ADAMTSL1: variants seen among roughly 807,000 people sequenced by gnomAD.
ADAMTSL1 encodes ADAMTS like 1, also known as ADAMTS-like protein 1.
A neutral mutation model predicts 201.8 loss-of-function variants in ADAMTSL1; 126 were observed. That is an observed-to-expected ratio of 0.62 (90% CI 0.54 to 0.72). The LOEUF is 0.72. Ranked by LOEUF, ADAMTSL1 falls within the 30% of genes least tolerant of loss-of-function variation. The pLI, the probability that ADAMTSL1 is intolerant of heterozygous loss-of-function variation, is 0.00. For missense variants in ADAMTSL1, 2,679 were observed against 2,277.8 expected (o/e 1.18, Z -3.59); for synonymous variants, 1,121 against 903.4 (o/e 1.24, Z -4.32).
chr9:17,986,604 A>G (rs1386610950), intron 1 of ADAMTSL1, among the ~76,000 whole-genome samples: 1 of 152,118 alleles, frequency 6.6e-6, no homozygotes, highest in African/African-American at 2.4e-5. Flanking sequence ...TGAATTTTAA[A>G]AAGGATAGGC....
chr9:18,684,260 T>G (rs1161142358), intron 12 of ADAMTSL1, among the ~76,000 whole-genome samples: 1 of 152,174 alleles, frequency 6.6e-6, no homozygotes, highest in Non-Finnish European at 1.5e-5. Context: ...AAAGAGTTTG[T>G]TTTTGGCAAT....
At chr9:18,227,127 A>T (rs1026477629) in intron 2 of ADAMTSL1, among the ~76,000 whole-genome samples, 1 of 152,100 alleles carries the variant, frequency 6.6e-6, no homozygotes, top group South Asian at 2.1e-4. Context: ...TCCTAACAAA[A>T]CATTACCCAT....
At chr9:17,959,036 A>G (rs1817610701) in intron 1 of ADAMTSL1, among the ~76,000 whole-genome samples, 1 of 152,196 alleles carries the variant, frequency 6.6e-6, no homozygotes, top group East Asian at 1.9e-4. Flanking sequence ...GCCTGTGGGA[A>G]TAGTAATTTA....
intron 1 of ADAMTSL1, among the ~76,000 whole-genome samples, chr9:17,947,531 A>G (rs903982174): frequency 6.6e-6 from 1 of 152,150 alleles, no homozygotes; most frequent in Non-Finnish European, 1.5e-5. Context: ...AAACAAATAC[A>G]TTTATTTTCA....
At chr9:18,075,946 G>T (rs1422058581) in intron 1 of ADAMTSL1, among the ~76,000 whole-genome samples, 1 of 152,222 alleles carries the variant, frequency 6.6e-6, no homozygotes, top group Non-Finnish European at 1.5e-5. Flanking sequence ...AGGAAGTAGT[G>T]TAGTGTCAAC....
chr9:17,962,288 C>T (rs1407379461), intron 1 of ADAMTSL1, among the ~76,000 whole-genome samples: 3 of 152,166 alleles, frequency 2.0e-5, no homozygotes, highest in East Asian at 1.9e-4. Flanking sequence ...AGAAATGTAC[C>T]ACTGACTATG....
intron 1 of ADAMTSL1, among the ~76,000 whole-genome samples, chr9:17,935,353 G>A (rs1480349159): frequency 1.3e-5 from 2 of 152,026 alleles, no homozygotes; most frequent in African/African-American, 4.8e-5. Flanking sequence ...CTACTCCTTG[G>A]TGTAACTTAC....
chr9:18,680,194 C>A (rs1830377197), intron 10 of ADAMTSL1, 118 bp from the exon 11 acceptor site: 1 of 1,063,600 alleles, frequency 9.4e-7, no homozygotes, highest in Non-Finnish European at 1.3e-6. Flanking sequence ...GTTTTCTGGA[C>A]CTTAGCCTCT....
Position 18,800,906 on chromosome 9 carries a change from C to A in ADAMTSL1, c.3805+5382C>A, listed in dbSNP as rs73644670. 6.9e-3 allele frequency among the ~76,000 whole-genome samples: 1,043 copies of A among 152,192 alleles called. 13 individuals carry two copies. Among genetic ancestry groups the A allele is most frequent in the African/African-American group, 0.023 (974 of 41,512 alleles). On this transcript the variant is annotated intron_variant, in intron 20 of 28. Coordinates refer to ENST00000380548, the MANE Select transcript of ADAMTSL1 (RefSeq NM_001040272.6). ...CACTTCTGGCCTTATTCTACTTAGA[C>A]GCCATCAACATCAATTAAATAATTA... is the stretch of plus-strand genomic sequence containing the variant.
intron 1 of ADAMTSL1, among the ~76,000 whole-genome samples, chr9:18,103,280 A>G (rs1001693652): frequency 6.6e-6 from 1 of 152,104 alleles, no homozygotes; most frequent in Non-Finnish European, 1.5e-5. Context: ...AGGCCAGCTG[A>G]TGAGTTTAGG....
At chr9:18,000,759 G>A (rs1259130174) in intron 1 of ADAMTSL1, among the ~76,000 whole-genome samples, 1 of 152,050 alleles carries the variant, frequency 6.6e-6, no homozygotes, top group African/African-American at 2.4e-5. Context: ...CCATAAAATG[G>A]GTAGAAAAGA....
intron 1 of ADAMTSL1, among the ~76,000 whole-genome samples, chr9:17,975,361 C>A (rs1343221923): frequency 6.6e-6 from 1 of 151,958 alleles, no homozygotes; most frequent in Non-Finnish European, 1.5e-5. Context: ...GCTGAGAAGT[C>A]CAAGATCAGG....
chr9:18,035,893 C>T (rs1375694470), intron 1 of ADAMTSL1, among the ~76,000 whole-genome samples: 6 of 152,066 alleles, frequency 3.9e-5, no homozygotes, highest in Admixed American at 2.0e-4. Flanking sequence ...TTGTCATGCC[C>T]TATATATGCT....
At chr9:18,381,335 T>C (rs1400168197) in intron 2 of ADAMTSL1, among the ~76,000 whole-genome samples, 1 of 152,224 alleles carries the variant, frequency 6.6e-6, no homozygotes, top group Non-Finnish European at 1.5e-5. Context: ...GTCTACCATT[T>C]ATTGAATACC....
chr9:18,180,168 A>G (rs375751038), intron 2 of ADAMTSL1, among the ~76,000 whole-genome samples: 1 of 152,118 alleles, frequency 6.6e-6, no homozygotes, highest in Non-Finnish European at 1.5e-5. Flanking sequence ...TCAAAATAAA[A>G]GGATGGAGGA....
rs145612444 is a variant in ADAMTSL1 at position 18,221,997 on chromosome 9, A to G, written c.207+58016A>G. ...AAAGTACATTCATGTTTAGATTTGTATCTTCCCGAGTCTTAAAAGTTATAT... is the reference window on the plus strand; with the variant it reads ...AAAGTACATTCATGTTTAGATTTGTGTCTTCCCGAGTCTTAAAAGTTATAT... On this transcript the variant is annotated intron_variant, in intron 2 of 29. Coordinates refer to the ADAMTSL1 transcript ENST00000680146. 2.2e-4 allele frequency among the ~76,000 whole-genome samples: 33 copies of G among 152,162 alleles called. 1 individual carries two copies. The East Asian group carries it at 5.8e-3, about 27-fold the overall frequency.
chr9:17,938,700 G>A (rs1049427617), intron 1 of ADAMTSL1, among the ~76,000 whole-genome samples: 6 of 152,062 alleles, frequency 3.9e-5, no homozygotes, highest in Admixed American at 2.6e-4. Context: ...ATCTTCCTCC[G>A]ACAAGATCCT....
Position 18,698,037 on chromosome 9 carries a change from C to G in ADAMTSL1, c.1575-8710C>G, listed in dbSNP as rs1831667008. 3.3e-5 allele frequency among the ~76,000 whole-genome samples: 5 copies of G among 152,122 alleles called. No homozygotes were observed. The South Asian group carries it at 1.0e-3, about 32-fold the overall frequency. On this transcript the variant is annotated intron_variant, in intron 13 of 28. Coordinates refer to ENST00000380548, the MANE Select transcript of ADAMTSL1 (RefSeq NM_001040272.6). ...AATAATAGTTTTATCTGATAATGTT[C>G]TTGTTCAGATTTAATAACTTTTATT...
rs116434893 is a variant in ADAMTSL1 at position 18,067,138 on chromosome 9, A to T, written c.88-96724A>T. Among the ~76,000 whole-genome samples, 1,051 of 151,470 alleles carry T rather than the reference A, an allele frequency of 6.9e-3. 12 individuals are homozygous for T. Among genetic ancestry groups the T allele is most frequent in the African/African-American group, 0.024 (991 of 41,188 alleles). On this transcript the variant is annotated intron_variant, in intron 1 of 29. Transcript: ENST00000680146. ...TGTACCCTAAAACTTAAAGTATAAT[A>T]AAAAAAAATGCAAGTGGTTAAGGGT...
Sources: gnomAD v4.1 joint callset for allele counts (sites outside exome capture counted in the v4.1 genomes callset) on GRCh38, gnomAD v4.1.1 for gene constraint, MANE v1.5 for transcripts, NCBI Gene and HGNC (gene_info 2026-07-23, HGNC 2026-07-21) for gene names.